Variants in BAG4 observed in about 807,000 individuals in gnomAD.
BAG4 encodes the protein BAG cochaperone 4.
BAG4 carries 28 observed loss-of-function variants against 52.1 expected under a neutral mutation model. The ratio of observed to expected loss-of-function variants is 0.54; its 90% CI spans 0.40 to 0.74. The LOEUF is 0.74. Among genes scored for constraint, BAG4 ranks in the 30% least tolerant of loss-of-function variants. The pLI is 0.00. For synonymous variants in BAG4, 208 were observed against 217.0 expected, an observed-to-expected ratio of 0.96 and a Z score of 0.37; for missense variants, 525 against 572.0, an observed-to-expected ratio of 0.92 and a Z score of 0.84.
rs184091230 is a variant in BAG4 at position 38,191,793 on chromosome 8, A to C, written c.271-895A>C. Among the ~76,000 whole-genome samples, 189 of 150,596 alleles carry C rather than the reference A, an allele frequency of 1.3e-3. 1 individual carries two copies. Among genetic ancestry groups the C allele is most frequent in the African/African-American group, 4.2e-3 (174 of 41,164 alleles). ...AAAAAAAAAAAAAAACCCTAAATCT[A>C]TACAGTTGAAAGCAAAATAACTCAT... On this transcript the variant is annotated intron_variant, in intron 1 of 4. Transcript: ENST00000287322.
At chr8:38,180,603 C>T (rs1803247813) in intron 1 of BAG4, among the ~76,000 whole-genome samples, 1 of 142,758 alleles carries the variant, frequency 7.0e-6, no homozygotes, top group Non-Finnish European at 1.5e-5. Flanking sequence ...GTTATTTTGA[C>T]TTTTTTTTAT....
rs777644395 is a variant in BAG4, at chr8:38,209,230, C to G, written c.851C>G (p.Pro284Arg). 1.9e-6 allele frequency: 3 copies of G among 1,614,160 alleles called. No individual in the cohort carries two copies. The highest frequency in any genetic ancestry group is 1.7e-6 in the Non-Finnish European group (2 of 1,180,038). Residue 284 changes from proline to arginine, a missense_variant, in exon 4 of 5, where the codon CCC becomes CGC. Coordinates refer to ENST00000287322, the MANE Select transcript of BAG4 (RefSeq NM_004874.4). ...TCACCATGGCCTAGCAGTGGCTCTC[C>G]CCAGTCACCCCCTTCACCCCCAGTC... ...STSPWPSSGS[P>R]QSPPSPPVQQ... is the part of the protein sequence containing the mutation.
At chr8:38,205,202 AT>A (rs35284937) in intron 2 of BAG4, among the ~76,000 whole-genome samples, 1,633 of 79,204 alleles carry the variant, frequency 0.021, 5 homozygotes, top group East Asian at 0.13. Flanking sequence ...CAGCTAATTA[AT>A]TTTTTTTTTT....
intron 2 of BAG4, among the ~76,000 whole-genome samples, chr8:38,198,083 G>C (rs1463953252): frequency 6.6e-6 from 1 of 151,956 alleles, no homozygotes; most frequent in Non-Finnish European, 1.5e-5. Context: ...CTGTACAGCT[G>C]TACAAAAATG....
chr8:38,206,318 G>C (rs1334041824), intron 2 of BAG4, among the ~76,000 whole-genome samples: 2 of 150,598 alleles, frequency 1.3e-5, no homozygotes, highest in African/African-American at 4.9e-5. Context: ...GCCTCCCAAA[G>C]TGCTGGGATT....
chr8:38,193,497 G>T (rs1803511139), intron 2 of BAG4, among the ~76,000 whole-genome samples: 1 of 152,158 alleles, frequency 6.6e-6, no homozygotes, highest in South Asian at 2.1e-4. Flanking sequence ...ATTTGTTTCA[G>T]ATTTTTAAGA....
intron 2 of BAG4, among the ~76,000 whole-genome samples, chr8:38,205,977 T>TA (rs200295033): frequency 6.6e-6 from 1 of 151,414 alleles, no homozygotes; most frequent in Non-Finnish European, 1.5e-5. Context: ...GGCTGGTCTG[T>TA]AACTCCTGAG....
intron 1 of BAG4, among the ~76,000 whole-genome samples, chr8:38,180,522 C>CAAAATAAAAAAAA (rs1803245639): frequency 3.8e-5 from 1 of 26,492 alleles, no homozygotes; most frequent in African/African-American, 1.4e-4. Flanking sequence ...GACTCCGTCT[C>CAAAATAAAAAAAA]AAAAAAAAAA....
rs1183170922 is a variant in BAG4 at position 38,208,999 on chromosome 8, T to A, written c.634-14T>A. On this transcript the variant is annotated splice_polypyrimidine_tract_variant and intron_variant, in intron 3 of 4. Coordinates refer to ENST00000287322, the MANE Select transcript of BAG4 (RefSeq NM_004874.4). Reference sequence around the variant, plus strand: ...TTTTCACAATGACTGGTATATTTCTTCTTCTCAATCTAGAACCCTGGAATG... The same window carrying A: ...TTTTCACAATGACTGGTATATTTCTACTTCTCAATCTAGAACCCTGGAATG... 2 of 1,602,038 alleles carry A rather than the reference T, an allele frequency of 1.2e-6. No homozygotes were observed. The highest frequency in any genetic ancestry group is 1.3e-5 in the African/African-American group (1 of 74,418).
intron 2 of BAG4, among the ~76,000 whole-genome samples, chr8:38,206,726 A>G (rs1803773915): frequency 6.6e-6 from 1 of 152,188 alleles, no homozygotes; most frequent in Non-Finnish European, 1.5e-5. Flanking sequence ...AAGGTTAAAT[A>G]CAAAGCCTAT....
chr8:38,187,537 T>C (rs1375200746), intron 1 of BAG4, among the ~76,000 whole-genome samples: 4 of 152,162 alleles, frequency 2.6e-5, no homozygotes, highest in African/African-American at 4.8e-5. Flanking sequence ...CTTCTCAGAT[T>C]CTTTAAAAGA....
chr8:38,184,895 C>G (rs939120594), intron 1 of BAG4, among the ~76,000 whole-genome samples: 5 of 152,090 alleles, frequency 3.3e-5, no homozygotes, highest in Non-Finnish European at 7.4e-5. Flanking sequence ...TCGAGACCAT[C>G]CTGGCCAACA....
Position 38,212,353 on chromosome 8 carries a change from G to A in BAG4, c.*1860G>A, listed in dbSNP as rs866025843. Reference sequence around the variant, plus strand: ...ACACATGTTATGCACATACATGTTTGTTTTCTAACAGTTATTTTTTAAGCT... The same window carrying A: ...ACACATGTTATGCACATACATGTTTATTTTCTAACAGTTATTTTTTAAGCT... On this transcript the variant is annotated 3_prime_UTR_variant, in exon 5 of 5. Coordinates refer to ENST00000287322, the MANE Select transcript of BAG4 (RefSeq NM_004874.4). The A allele has an allele frequency of 1.7e-4, 26 of 152,044 alleles. No individual in the cohort carries two copies. The highest frequency in any genetic ancestry group is 5.8e-4 in the African/African-American group (24 of 41,412). The allele number at this position is 152,044 out of a possible 1,614,324, so 9.4% of individuals were successfully genotyped here. A position where few individuals can be genotyped will look rare whatever the true frequency, so the allele number is the denominator to read the frequency against.
intron 1 of BAG4, among the ~76,000 whole-genome samples, chr8:38,184,657 A>G (rs900616828): frequency 1.3e-5 from 2 of 152,096 alleles, no homozygotes; most frequent in African/African-American, 2.4e-5. Context: ...ACTGACAGAA[A>G]CAGCAGACAG....
intron 4 of BAG4, 28 bp downstream of exon 4, chr8:38,209,295 A>G (rs755600274): frequency 1.1e-5 from 18 of 1,613,684 alleles, no homozygotes; most frequent in Admixed American, 8.3e-5. Context: ...TGTTCCTTTA[A>G]TGTGTGTGTA....
intron 1 of BAG4, among the ~76,000 whole-genome samples, chr8:38,190,262 T>A (rs1803452149): frequency 6.6e-6 from 1 of 152,194 alleles, no homozygotes; most frequent in East Asian, 1.9e-4. Flanking sequence ...CAATATAGTT[T>A]AAAAATTAAG....
chr8:38,195,236 G>A (rs1382932304), intron 2 of BAG4, among the ~76,000 whole-genome samples: 2 of 151,834 alleles, frequency 1.3e-5, no homozygotes, highest in African/African-American at 2.4e-5. Flanking sequence ...CTGCATCCTC[G>A]ACCTCCTGGC....
chr8:38,205,821 G>T (rs1407787094), intron 2 of BAG4, among the ~76,000 whole-genome samples: 2 of 151,970 alleles, frequency 1.3e-5, no homozygotes, highest in African/African-American at 2.4e-5. Flanking sequence ...ACTGGATTCT[G>T]TGTTTTCACT....
intron 2 of BAG4, among the ~76,000 whole-genome samples, chr8:38,201,518 G>C (rs148404162): frequency 6.6e-6 from 1 of 151,982 alleles, no homozygotes; most frequent in Non-Finnish European, 1.5e-5. Context: ...GCCTAGGCTG[G>C]TCTTGAACTC....
Sources: allele counts gnomAD v4.1 joint callset (sites outside exome capture counted in the v4.1 genomes callset), GRCh38; gene constraint gnomAD v4.1.1; transcripts MANE v1.5; gene names NCBI Gene and HGNC (gene_info 2026-07-23, HGNC 2026-07-21).